The following PPA1 variants were observed in gnomAD, a reference collection of about 807,000 sequenced individuals.
PPA1 encodes inorganic pyrophosphatase.
Under a neutral mutation model 41.8 loss-of-function variants are expected in PPA1, and 23 were observed. That is an observed-to-expected ratio of 0.55 (90% CI 0.40 to 0.78). The LOEUF is 0.78. Ranked by LOEUF, PPA1 falls within the 30% of genes least tolerant of loss-of-function variation. The pLI is 0.00. For missense variants in PPA1, 320 were observed against 361.6 expected, an observed-to-expected ratio of 0.89 and a Z score of 0.93; for synonymous variants, 101 against 116.8, an observed-to-expected ratio of 0.86 and a Z score of 0.87.
chr10:70,231,789 AAC>A (rs145798281), intron 1 of PPA1, among the ~76,000 whole-genome samples: 11,925 of 152,270 alleles, frequency 0.078, 1,102 homozygotes, highest in African/African-American at 0.23. Flanking sequence ...ACTTGATAAA[AAC>A]AGTTACTTCA....
chr10:70,205,050 G>C, intron 9 of PPA1, 135 bp from the exon 10 acceptor site: 1 of 638,740 alleles, frequency 1.6e-6, no homozygotes, highest in Non-Finnish European at 2.7e-6. Flanking sequence ...ATAATATATA[G>C]GAACAATAGA....
At chr10:70,215,449 GA>G (rs1840068896) in intron 4 of PPA1, among the ~76,000 whole-genome samples, 1 of 151,844 alleles carries the variant, frequency 6.6e-6, no homozygotes, top group Admixed American at 6.6e-5. Flanking sequence ...TAGTAAAATG[GA>G]AAGGTTGTTT....
Position 70,233,376 on chromosome 10 carries a change from C to G in PPA1, c.-49G>C, listed in dbSNP as rs947402820. The stretch of plus-strand genomic sequence containing the variant: ...GCTGCCACAGAGCCACCAGCCCGCA[C>G]GCGGCGCCGACTGACAAGGAGAGAG... On this transcript the variant is annotated 5_prime_UTR_variant, in exon 1 of 11. Coordinates refer to ENST00000373232, the MANE Select transcript of PPA1 (RefSeq NM_021129.4). The G allele has an allele frequency of 1.8e-5, 27 of 1,526,186 alleles. No homozygotes were observed. In the African/African-American group the frequency reaches 3.2e-4, roughly 18 times the overall value. 94.5% of individuals were successfully genotyped at this position (1,526,186 alleles called of 1,614,324 possible).
At chr10:70,210,344 T>C in intron 6 of PPA1, 2 of 1,360,366 alleles carry the variant, frequency 1.5e-6, no homozygotes, top group Non-Finnish European at 9.8e-7. Flanking sequence ...CCCAAAGCAC[T>C]GGGATTACAG....
chr10:70,203,506 C>T (rs1003028254), intron 10 of PPA1: 1 of 241,680 alleles, frequency 4.1e-6, no homozygotes, highest in African/African-American at 2.3e-5. Flanking sequence ...CAGGTTCAAG[C>T]AATTCTCGTG....
intron 4 of PPA1, 83 bp from the exon 5 acceptor site, chr10:70,214,669 A>C (rs1328714012): frequency 2.8e-5 from 30 of 1,054,026 alleles, no homozygotes; most frequent in Non-Finnish European, 4.2e-5. Flanking sequence ...ACATCCTATG[A>C]CTCTTCAGCT....
intron 1 of PPA1, 64 bp from the exon 2 acceptor site, chr10:70,230,463 A>C: frequency 6.8e-7 from 1 of 1,480,962 alleles, no homozygotes; most frequent in Non-Finnish European, 9.2e-7. Context: ...CCCACAGTAC[A>C]CATTTTTTTT....
At chr10:70,210,511 A>ACTATC in intron 6 of PPA1, 1 of 1,097,808 alleles carries the variant, frequency 9.1e-7, no homozygotes, top group Non-Finnish European at 1.2e-6. Flanking sequence ...CAGGCACTGT[A>ACTATC]CATAACAATA....
At chr10:70,220,911 AATATATATAATTTTTATATAT>A (rs1840148299) in intron 2 of PPA1, among the ~76,000 whole-genome samples, 1 of 7,378 alleles carries the variant, frequency 1.4e-4, no homozygotes, top group Non-Finnish European at 2.0e-4. Context: ...ATTTATATAT[AATATATATAATTTTTATATAT>A]ACTATATATA....
Position 70,209,635 on chromosome 10 carries a change from C to T in PPA1, c.562G>A (p.Asp188Asn), listed in dbSNP as rs762716492. 9.3e-6 allele frequency: 15 copies of T among 1,606,944 alleles called. No individual in the cohort carries two copies. Among genetic ancestry groups the T allele is most frequent in the Non-Finnish European group, 1.3e-5 (15 of 1,175,628 alleles). ...LKPGYLEATV[D>N]WFRRYKVPDG... Reference sequence around the variant, plus strand: ...GGAACCTTATACCTTCTAAACCAGTCCACAGTAGCTTCTAAGTAGCCAGGT... The same window carrying T: ...GGAACCTTATACCTTCTAAACCAGTTCACAGTAGCTTCTAAGTAGCCAGGT... Residue 188 changes from aspartate (D) to asparagine (N), a missense_variant, in exon 7 of 11, where the codon GAC becomes AAC. Transcript: ENST00000373232.
chr10:70,213,357 CT>C, intron 6 of PPA1, 105 bp downstream of exon 6: 1 of 1,351,564 alleles, frequency 7.4e-7, no homozygotes, highest in South Asian at 1.4e-5. Flanking sequence ...TTCCTCCATC[CT>C]TTAACAGTTT....
chr10:70,233,340 C>T lies in PPA1; in HGVS notation c.-13G>A, dbSNP rs1840314150. 3.3e-6 allele frequency: 5 copies of T among 1,533,804 alleles called. No individual in the cohort carries two copies. Among genetic ancestry groups the T allele is most frequent in the Non-Finnish European group, 4.4e-6 (5 of 1,142,324 alleles). ...TGAAGCCGCTCATAGTGCCGGAGTC[C>T]TGCCGCCGCCGCTGCCACAGAGCCA... On this transcript the variant is annotated 5_prime_UTR_variant, in exon 1 of 11. Coordinates refer to ENST00000373232, the MANE Select transcript of PPA1 (RefSeq NM_021129.4).
In PPA1 at chr10:70,209,685, T is replaced by C. The variant is rs373141245; in HGVS notation, c.512A>G (p.Asp171Gly). The C allele has an allele frequency of 3.5e-5, 55 of 1,591,300 alleles. 1 individual carries two copies. In the South Asian group the frequency reaches 6.1e-4, roughly 18 times the overall value. ...VDDPDAANYNDINDVKRLKPG... is the reference protein window; with the variant it reads ...VDDPDAANYNGINDVKRLKPG... ...TTTCAGCCGTTTGACATCATTGATATCTAAGAAGAGAAGAAGCATAAGATG... is the reference window on the plus strand; with the variant it reads ...TTTCAGCCGTTTGACATCATTGATACCTAAGAAGAGAAGAAGCATAAGATG... Residue 171 changes from aspartate to glycine, a missense_variant and splice_region_variant, in exon 7 of 11, where the codon GAT (aspartate) becomes GGT (glycine). Asp to Gly is a moderately conservative substitution (Grantham distance 94, BLOSUM62 -1). Transcript: ENST00000373232.
intron 6 of PPA1, 120 bp from the exon 7 acceptor site, chr10:70,209,805 A>G (rs1839996116): frequency 8.6e-7 from 1 of 1,165,734 alleles, no homozygotes. Flanking sequence ...CCAAGTACTT[A>G]TTTTGAAAGA....
At position 70,210,771 on chromosome 10, in the gene PPA1, A is replaced by ATTT. The variant is rs60133562; in HGVS notation, c.512-1089_512-1087dup. Among the ~76,000 whole-genome samples, 235 of 148,600 alleles carry ATTT rather than the reference A, an allele frequency of 1.6e-3. 1 individual carries two copies. The highest frequency in any genetic ancestry group is 5.7e-3 in the East Asian group (29 of 5,072). ...AGATAACATTGCTTCACTCCAATTT[A>ATTT]TTTTTTTTTTTTGAGAAGGAGTCTC... On this transcript the variant is annotated intron_variant, in intron 6 of 10. Transcript: ENST00000373232.
rs1840045847 is a variant in PPA1, at chr10:70,213,521, T to C, written c.453A>G (p.Glu151=). ...LGILAMIDEG[E]TDWKVIAINV... ...TAATGGCAATGACTTTCCAGTCGGT[T>C]TCCCCTTCGTCAATCATAGCCAATA... Residue 151 remains glutamate, a synonymous_variant, in exon 6 of 11, where the codon GAA becomes GAG. Coordinates refer to ENST00000373232, the MANE Select transcript of PPA1 (RefSeq NM_021129.4). 1 of 1,614,076 alleles carries C rather than the reference T, an allele frequency of 6.2e-7. No individual in the cohort carries two copies. The highest frequency in any genetic ancestry group is 1.7e-5 in the Admixed American group (1 of 60,008).
At chr10:70,208,373 CA>C (rs1839972613) in intron 8 of PPA1, among the ~76,000 whole-genome samples, 1 of 151,816 alleles carries the variant, frequency 6.6e-6, no homozygotes, top group African/African-American at 2.4e-5. Context: ...GGGTCTTGCT[CA>C]GGTGCCCCAG....
In PPA1 at chr10:70,209,237, C is replaced by A; in HGVS notation, c.693G>T (p.Val231=). The change falls in exon 8 of 11, where the codon GTG becomes GTT. Residue 231 remains valine, a synonymous_variant. Coordinates refer to ENST00000373232, the MANE Select transcript of PPA1 (RefSeq NM_021129.4). ...TTCCTTTTCCATTCGTTTTCTTAGT[C>A]ACTAATGCTTTCCAATGGTCATGAG... The part of the protein sequence containing the change: ...KSTHDHWKAL[V]TKKTNGKGIS... 1.2e-6 allele frequency: 2 copies of A among 1,604,028 alleles called. No individual in the cohort carries two copies. Among genetic ancestry groups the A allele is most frequent in the Admixed American group, 1.7e-5 (1 of 59,956 alleles).
At chr10:70,230,464 C>A in intron 1 of PPA1, 65 bp from the exon 2 acceptor site, 2 of 1,467,244 alleles carry the variant, frequency 1.4e-6, no homozygotes, top group South Asian at 1.2e-5. Flanking sequence ...CCACAGTACA[C>A]ATTTTTTTTT....
Sources: gnomAD v4.1 joint callset for allele counts (sites outside exome capture counted in the v4.1 genomes callset) on GRCh38, gnomAD v4.1.1 for gene constraint, MANE v1.5 for transcripts, NCBI Gene and HGNC (gene_info 2026-07-23, HGNC 2026-07-21) for gene names.